The following MACC1 variants were observed in gnomAD, a reference collection of about 807,000 sequenced individuals.
MACC1 encodes metastasis-associated in colon cancer protein 1.
In MACC1, 79 loss-of-function variants were observed where a neutral mutation model predicts 70.7. The observed-to-expected ratio is 1.12, with a 90% confidence interval of 0.93 to 1.35. MACC1 has a LOEUF of 1.35. Ranked by LOEUF, MACC1 falls within the 40% of genes most tolerant of loss-of-function variation. The pLI is 0.00. For synonymous variants in MACC1, 361 were observed against 347.2 expected (o/e 1.04, Z -0.44); for missense variants, 1,106 against 978.1 (o/e 1.13, Z -1.74).
intron 2 of MACC1, among the ~76,000 whole-genome samples, chr7:20,164,926 C>G (rs958458849): frequency 1.3e-5 from 2 of 150,516 alleles, no homozygotes; most frequent in Non-Finnish European, 2.9e-5. Context: ...GCAAAATGAG[C>G]AATATGTACT....
At chr7:20,147,589 A>C (rs1180886292) in intron 6 of MACC1, 1 of 152,198 alleles carries the variant, frequency 6.6e-6, no homozygotes, top group African/African-American at 2.4e-5. Context: ...TAAGTACATA[A>C]ATATTGTTGA....
Position 20,158,362 on chromosome 7 carries a change from A to T in MACC1, c.1999T>A (p.Leu667Ile), listed in dbSNP as rs771514901. 3 of 1,613,856 alleles carry T rather than the reference A, an allele frequency of 1.9e-6. No individual in the cohort carries two copies. The East Asian group carries it at 6.7e-5, about 36-fold the overall frequency. The change falls in exon 5 of 7, where the codon TTA (leucine) becomes ATA (isoleucine). Residue 667 changes from leucine (L) to isoleucine (I), a missense_variant. Transcript: ENST00000400331. ...VSEKVYDWKVLADVLGYSHLS... is the reference protein window; with the variant it reads ...VSEKVYDWKVIADVLGYSHLS... ...TGTGAGTAACCCAGGACATCAGCTAAAACTTTCCAATCATAAACTTTTTCT... is the reference window on the plus strand; with the variant it reads ...TGTGAGTAACCCAGGACATCAGCTATAACTTTCCAATCATAAACTTTTTCT...
chr7:20,167,734 T>C (rs10252448), intron 2 of MACC1, among the ~76,000 whole-genome samples: 15,684 of 152,008 alleles, frequency 0.1, 962 homozygotes, highest in Middle Eastern at 0.17. Context: ...CAAGCCACAG[T>C]GTTGACCCCG....
intron 1 of MACC1, among the ~76,000 whole-genome samples, chr7:20,212,369 T>C (rs984233174): frequency 1.3e-5 from 2 of 152,198 alleles, no homozygotes; most frequent in Non-Finnish European, 2.9e-5. Context: ...TGTTTCTGTT[T>C]ATTCCAAGGA....
chr7:20,167,157 A>G (rs1562589107), intron 2 of MACC1, among the ~76,000 whole-genome samples: 1 of 152,086 alleles, frequency 6.6e-6, no homozygotes. Flanking sequence ...CAATTCTAGA[A>G]AGTTGGCTCT....
At chr7:20,191,070 A>G (rs190532137) in intron 1 of MACC1, among the ~76,000 whole-genome samples, 12 of 152,348 alleles carry the variant, frequency 7.9e-5, no homozygotes, top group Admixed American at 3.9e-4. Context: ...TCATATCTGC[A>G]AAAGACTAGC....
At chr7:20,181,657 C>A (rs10270058) in intron 1 of MACC1, among the ~76,000 whole-genome samples, 23,053 of 151,980 alleles carry the variant, frequency 0.15, 1,999 homozygotes, top group African/African-American at 0.22. Context: ...TTGCCATAAA[C>A]CTTTCTCTTA....
At position 20,134,865 on chromosome 7, in the gene MACC1, A is replaced by T. The variant is rs1333421680; in HGVS notation, c.*6081T>A. ...CCAAAGAAAAACAATTAACAAGGAA[A>T]TGATGGCAGAGGATAAAACGTGATA... On this transcript the variant is annotated 3_prime_UTR_variant, in exon 7 of 7. Coordinates refer to ENST00000400331, the MANE Select transcript of MACC1 (RefSeq NM_182762.4). 1 of 152,218 alleles carries T rather than the reference A, an allele frequency of 6.6e-6. No homozygotes were observed. The highest frequency in any genetic ancestry group is 1.5e-5 in the Non-Finnish European group (1 of 68,028). 9.4% of individuals were successfully genotyped at this position (152,218 alleles called of 1,614,324 possible).
At position 20,154,181 on chromosome 7, in the gene MACC1, C is replaced by T; in HGVS notation, c.2346+12G>A. 1.2e-6 allele frequency: 2 copies of T among 1,613,456 alleles called. No individual in the cohort carries two copies. The highest frequency in any genetic ancestry group is 1.7e-6 in the Non-Finnish European group (2 of 1,179,556). Reference sequence around the variant, plus strand: ...ACTTTTCACTATTGAATTACACAAACAGAAGTCTTACCTCAACAGCAACAT... The same window carrying T: ...ACTTTTCACTATTGAATTACACAAATAGAAGTCTTACCTCAACAGCAACAT... On this transcript the variant is annotated intron_variant, in intron 6 of 6. Coordinates refer to ENST00000400331, the MANE Select transcript of MACC1 (RefSeq NM_182762.4).
Position 20,164,243 on chromosome 7 carries a change from C to G in MACC1, c.-9+13G>C, listed in dbSNP as rs1416443591. 1 of 152,258 alleles carries G rather than the reference C, an allele frequency of 6.6e-6. No homozygotes were observed. Among genetic ancestry groups the G allele is most frequent in the East Asian group, 1.9e-4 (1 of 5,200 alleles). 9.4% of individuals were successfully genotyped at this position (152,258 alleles called of 1,614,324 possible). A position where few individuals can be genotyped will look rare whatever the true frequency, so the allele number is the denominator to read the frequency against. On this transcript the variant is annotated intron_variant, in intron 3 of 6. Transcript: ENST00000400331. The stretch of plus-strand genomic sequence containing the variant: ...TGAGCCACCACGCCCGGCCCAGTTA[C>G]TTTAAACCTTACTTTTTGTTCTCCT...
intron 4 of MACC1, among the ~76,000 whole-genome samples, chr7:20,161,496 C>G (rs1782138470): frequency 6.6e-6 from 1 of 151,860 alleles, no homozygotes; most frequent in Admixed American, 6.6e-5. Flanking sequence ...GCCTTTTTAC[C>G]CCCAAATTCA....
chr7:20,211,435 C>A (rs1451736540), intron 1 of MACC1, among the ~76,000 whole-genome samples: 1 of 151,974 alleles, frequency 6.6e-6, no homozygotes, highest in Non-Finnish European at 1.5e-5. Context: ...AAAGTTAATA[C>A]CTGTGGAAAA....
intron 1 of MACC1, among the ~76,000 whole-genome samples, chr7:20,216,728 C>G (rs1259248148): frequency 6.6e-6 from 1 of 152,064 alleles, no homozygotes. Flanking sequence ...ATTTAATGAC[C>G]CCCTTAACTT....
At chr7:20,204,299 C>T (rs2128108649) in intron 1 of MACC1, among the ~76,000 whole-genome samples, 1 of 152,162 alleles carries the variant, frequency 6.6e-6, no homozygotes, top group African/African-American at 2.4e-5. Flanking sequence ...GGACCACAGG[C>T]GCCCACCACC....
rs143351157 is a variant in MACC1 at position 20,163,536 on chromosome 7, T to C, written c.-9+720A>G. The stretch of plus-strand genomic sequence containing the variant: ...CCCAGAATATCCTTTGCCATATAAG[T>C]GGATAAATAAATTGTGGCATATTAA... On this transcript the variant is annotated intron_variant, in intron 3 of 6. Coordinates refer to ENST00000400331, the MANE Select transcript of MACC1 (RefSeq NM_182762.4). 4.7e-3 allele frequency among the ~76,000 whole-genome samples: 721 copies of C among 152,312 alleles called. 8 individuals are homozygous for C. Among genetic ancestry groups the C allele is most frequent in the African/African-American group, 0.016 (684 of 41,564 alleles).
At chr7:20,165,501 T>C (rs1023297021) in intron 2 of MACC1, among the ~76,000 whole-genome samples, 3 of 149,068 alleles carry the variant, frequency 2.0e-5, no homozygotes, top group Non-Finnish European at 3.0e-5. Context: ...TAAATCTAAA[T>C]TTTTTTCTAT....
intron 1 of MACC1, among the ~76,000 whole-genome samples, chr7:20,175,903 T>C (rs1782385844): frequency 6.6e-6 from 1 of 152,064 alleles, no homozygotes; most frequent in African/African-American, 2.4e-5. Flanking sequence ...ATAATAAAAA[T>C]ATTTCCATTG....
At chr7:20,175,060 T>C (rs1272890768) in intron 1 of MACC1, among the ~76,000 whole-genome samples, 1 of 152,114 alleles carries the variant, frequency 6.6e-6, no homozygotes, top group Non-Finnish European at 1.5e-5. Context: ...AATTTTATGT[T>C]GACAAATCTA....
chr7:20,167,235 G>C (rs1324457157), intron 2 of MACC1, among the ~76,000 whole-genome samples: 1 of 150,602 alleles, frequency 6.6e-6, no homozygotes. Flanking sequence ...TTGCTCTGTC[G>C]CCCAGGCTGG....
Sources: allele counts gnomAD v4.1 joint callset (sites outside exome capture counted in the v4.1 genomes callset), GRCh38; gene constraint gnomAD v4.1.1; transcripts MANE v1.5; gene names NCBI Gene and HGNC (gene_info 2026-07-23, HGNC 2026-07-21).